Variants in TEX9 observed in about 807,000 individuals in gnomAD.
TEX9 encodes testis-expressed protein 9.
TEX9 carries 74 observed loss-of-function variants against 59.6 expected under a neutral mutation model. That is an observed-to-expected ratio of 1.24 (90% CI 1.03 to 1.51). TEX9 has a LOEUF of 1.51. Ranked by LOEUF, TEX9 falls within the 40% of genes most tolerant of loss-of-function variation. The pLI is 0.00. For synonymous variants in TEX9, 186 were observed against 152.2 expected, an observed-to-expected ratio of 1.22 and a Z score of -1.64; for missense variants, 522 against 447.8, an observed-to-expected ratio of 1.17 and a Z score of -1.49.
chr15:56,376,168 A>G (rs1259371970), intron 3 of TEX9, among the ~76,000 whole-genome samples: 1 of 151,630 alleles, frequency 6.6e-6, no homozygotes, highest in Non-Finnish European at 1.5e-5. Flanking sequence ...ACATGTATAC[A>G]TATGTAACTA....
At chr15:56,270,752 C>A (rs1159168817) in intron 1 of TEX9, among the ~76,000 whole-genome samples, 1 of 152,122 alleles carries the variant, frequency 6.6e-6, no homozygotes, top group African/African-American at 2.4e-5. Context: ...CAATTTGGCA[C>A]GTTTTTGCAG....
intron 1 of TEX9, among the ~76,000 whole-genome samples, chr15:56,290,457 C>A (rs1167239582): frequency 6.6e-6 from 1 of 151,900 alleles, no homozygotes; most frequent in Non-Finnish European, 1.5e-5. Context: ...CTGCCCCCCC[C>A]AGTTTTTTTC....
intron 1 of TEX9, among the ~76,000 whole-genome samples, chr15:56,250,202 G>A (rs958055298): frequency 2.0e-5 from 3 of 152,142 alleles, no homozygotes; most frequent in Non-Finnish European, 4.4e-5. Flanking sequence ...ACTTCCTAGT[G>A]GTGGATGCTA....
At chr15:56,436,880 A>G (rs1321738480) in intron 12 of TEX9, among the ~76,000 whole-genome samples, 2 of 152,192 alleles carry the variant, frequency 1.3e-5, no homozygotes, top group East Asian at 3.8e-4. Flanking sequence ...CTGGACACAT[A>G]CACCCTCCCA....
intron 3 of TEX9, among the ~76,000 whole-genome samples, chr15:56,382,757 C>T (rs2047787998): frequency 6.6e-6 from 1 of 152,164 alleles, no homozygotes; most frequent in Admixed American, 6.5e-5. Flanking sequence ...AGATAACATC[C>T]TCTTTACTTT....
chr15:56,434,441 C>T (rs772269141), intron 12 of TEX9: 3 of 1,537,198 alleles, frequency 2.0e-6, no homozygotes, highest in Non-Finnish European at 2.7e-6. Context: ...TTTCCTTACA[C>T]CAGATTTATA....
chr15:56,412,338 G>A (rs750803424), exon 10 of TEX9: 2 of 1,612,994 alleles, frequency 1.2e-6, no homozygotes, highest in Admixed American at 1.7e-5. Flanking sequence ...AAAACAGGCT[G>A]CAAGTAGTCA....
chr15:56,318,543 A>G (rs747669678), intron 1 of TEX9, among the ~76,000 whole-genome samples: 8 of 152,078 alleles, frequency 5.3e-5, no homozygotes, highest in Non-Finnish European at 1.0e-4. Flanking sequence ...ATGAGGTAAG[A>G]TTTATGTCTG....
intron 1 of TEX9, among the ~76,000 whole-genome samples, chr15:56,266,176 G>C (rs573965890): frequency 2.6e-5 from 4 of 151,652 alleles, no homozygotes; most frequent in African/African-American, 9.7e-5. Flanking sequence ...TCCCAGGCTG[G>C]AGTGCAGTGG....
At chr15:56,443,332 C>T in intron 12 of TEX9, 1 of 836,868 alleles carries the variant, frequency 1.2e-6, no homozygotes, top group Non-Finnish European at 1.7e-6. Context: ...AATGTAATTA[C>T]CAGTATGGTT....
chr15:56,311,122 T>C (rs550179383), intron 1 of TEX9, among the ~76,000 whole-genome samples: 2 of 43,780 alleles, frequency 4.6e-5, no homozygotes, highest in Admixed American at 2.4e-4. Context: ...TGACTCCTTA[T>C]TTCTTTTTTT....
At chr15:56,445,322 T>C (rs2050888740) in intron 12 of TEX9, among the ~76,000 whole-genome samples, 1 of 152,060 alleles carries the variant, frequency 6.6e-6, no homozygotes, top group South Asian at 2.1e-4. Context: ...TTAAACCCCT[T>C]ATTTCTTTTG....
rs1394087411 is a variant in TEX9 at position 56,416,732 on chromosome 15, T to A, written c.963+4296T>A. 2.0e-5 allele frequency among the ~76,000 whole-genome samples: 3 copies of A among 151,800 alleles called. No homozygotes were observed. In the East Asian group the frequency reaches 5.8e-4, roughly 29 times the overall value. ...GATGATGCTGGCCCCATAGAATGAG[T>A]TGGGGAGGAGTCCCTCCTCAGTTTT... On this transcript the variant is annotated intron_variant, in intron 10 of 12. Coordinates refer to ENST00000352903, the Ensembl canonical transcript of TEX9.
chr15:56,324,640 G>T (rs1285295242), intron 1 of TEX9, among the ~76,000 whole-genome samples: 2 of 152,180 alleles, frequency 1.3e-5, no homozygotes, highest in African/African-American at 4.8e-5. Context: ...TGGAAATGTG[G>T]TGAACTCATT....
chr15:56,428,776 G>T (rs1405548183), intron 12 of TEX9: 1 of 351,914 alleles, frequency 2.8e-6, no homozygotes, highest in African/African-American at 2.1e-5. Context: ...AGTAAGTAAA[G>T]TTCGTAAACA....
chr15:56,344,378 C>A (rs1158967838), intron 1 of TEX9, among the ~76,000 whole-genome samples: 1 of 152,044 alleles, frequency 6.6e-6, no homozygotes, highest in African/African-American at 2.4e-5. Context: ...CAAAGGTGAA[C>A]CTTGAAAACA....
intron 10 of TEX9, chr15:56,421,673 G>C (rs1254586098): frequency 6.6e-6 from 1 of 151,538 alleles, no homozygotes; most frequent in Non-Finnish European, 1.5e-5. Context: ...GTGTCCATGT[G>C]TTCTCATTAT....
intron 1 of TEX9, among the ~76,000 whole-genome samples, chr15:56,351,457 T>C (rs749208180): frequency 1.3e-4 from 20 of 152,166 alleles, no homozygotes; most frequent in Non-Finnish European, 2.1e-4. Flanking sequence ...AGTGTGTAGT[T>C]CCACTTGAAT....
chr15:56,394,388 C>CCTG, intron 8 of TEX9, 141 bp downstream of exon 8: 1 of 721,100 alleles, frequency 1.4e-6, no homozygotes, highest in Non-Finnish European at 2.2e-6. Context: ...AAGTACTGAA[C>CCTG]TTTATTCTGA....
Sources: allele counts gnomAD v4.1 joint callset (sites outside exome capture counted in the v4.1 genomes callset), GRCh38; gene constraint gnomAD v4.1.1; transcripts MANE v1.5; gene names NCBI Gene and HGNC (gene_info 2026-07-23, HGNC 2026-07-21).